ANKS1B: variants seen among roughly 807,000 people sequenced by gnomAD.
ANKS1B encodes ankyrin repeat and sterile alpha motif domain containing 1B.
ANKS1B carries 36 observed loss-of-function variants against 148.3 expected under a neutral mutation model. That is an observed-to-expected ratio of 0.24 (90% confidence interval 0.19 to 0.32). The LOEUF is 0.32. Among genes scored for constraint, ANKS1B ranks in the 10% least tolerant of loss-of-function variants. The probability of loss-of-function intolerance (pLI) is 1.00; values close to 1 mark genes in which losing one functional copy is unlikely to be tolerated. For missense variants in ANKS1B, 1,157 were observed against 1,542.6 expected (o/e 0.75, Z 4.19); for synonymous variants, 542 against 560.8 (o/e 0.97, Z 0.47).
chr12:99,387,519 G>A (rs946455119), intron 12 of ANKS1B, among the ~76,000 whole-genome samples: 1 of 152,128 alleles, frequency 6.6e-6, no homozygotes, highest in African/African-American at 2.4e-5. Flanking sequence ...GGGAGGCTGA[G>A]GCAGGGTTGT....
intron 9 of ANKS1B, among the ~76,000 whole-genome samples, chr12:99,602,789 G>T (rs1360017167): frequency 3.9e-5 from 6 of 152,026 alleles, no homozygotes; most frequent in African/African-American, 1.4e-4. Flanking sequence ...ATTTTGGAGA[G>T]TTGTGGCCAG....
intron 8 of ANKS1B, among the ~76,000 whole-genome samples, chr12:99,767,363 T>G (rs117355308): frequency 1.3e-5 from 2 of 152,118 alleles, no homozygotes; most frequent in East Asian, 3.9e-4. Context: ...ATTTACTTCT[T>G]AAAGACATAC....
chr12:99,465,242 TGAGA>T (rs1251819180), intron 10 of ANKS1B, among the ~76,000 whole-genome samples: 10 of 152,140 alleles, frequency 6.6e-5, no homozygotes, highest in Non-Finnish European at 1.2e-4. Flanking sequence ...AAGCAAATGC[TGAGA>T]GATTTTGTCA....
chr12:99,404,402 C>T (rs951174259), intron 11 of ANKS1B, among the ~76,000 whole-genome samples: 4 of 145,676 alleles, frequency 2.7e-5, no homozygotes, highest in Non-Finnish European at 4.5e-5. Context: ...CAAGATAACG[C>T]AGATGAGGTA....
At chr12:98,907,650 T>A (rs986358939) in intron 17 of ANKS1B, among the ~76,000 whole-genome samples, 1 of 152,192 alleles carries the variant, frequency 6.6e-6, no homozygotes, top group Non-Finnish European at 1.5e-5. Flanking sequence ...TTGTCCCTAA[T>A]TGCAACATCA....
intron 17 of ANKS1B, among the ~76,000 whole-genome samples, chr12:99,024,838 T>G (rs1314526047): frequency 6.6e-6 from 1 of 152,186 alleles, no homozygotes; most frequent in African/African-American, 2.4e-5. Flanking sequence ...TGCTTGTGTC[T>G]TAATCATCCC....
chr12:99,210,968 G>C (rs893693286), intron 14 of ANKS1B, among the ~76,000 whole-genome samples: 1 of 152,032 alleles, frequency 6.6e-6, no homozygotes, highest in African/African-American at 2.4e-5. Flanking sequence ...CTATTCAGTC[G>C]GTGTATAACA....
chr12:99,687,395 A>T (rs1010791986), intron 8 of ANKS1B, among the ~76,000 whole-genome samples: 21 of 152,108 alleles, frequency 1.4e-4, no homozygotes, highest in Non-Finnish European at 1.0e-4. Flanking sequence ...AATGTTGAAA[A>T]TTTTCAAACA....
rs576336446 is a variant in ANKS1B at position 99,280,892 on chromosome 12, C to T, written c.1757-34028G>A. Among the ~76,000 whole-genome samples, 5 of 151,890 alleles carry T rather than the reference C, an allele frequency of 3.3e-5. No individual in the cohort carries two copies. The South Asian group carries it at 1.0e-3, about 32-fold the overall frequency. On this transcript the variant is annotated intron_variant, in intron 12 of 26. Coordinates refer to ENST00000683438, the MANE Select transcript of ANKS1B (RefSeq NM_001352186.2). ...TCTGTCTCTCTCTCTCTCTCACACA[C>T]ACACACATGCACGTACACACACACA...
intron 12 of ANKS1B, among the ~76,000 whole-genome samples, chr12:99,264,587 A>G (rs933651003): frequency 2.6e-5 from 4 of 152,116 alleles, no homozygotes; most frequent in Non-Finnish European, 5.9e-5. Context: ...GCATTTTGGA[A>G]AATGCTCTTT....
chr12:99,489,937 A>T lies in ANKS1B; in HGVS notation c.1438+14539T>A, dbSNP rs2152962979. 1.3e-5 allele frequency among the ~76,000 whole-genome samples: 2 copies of T among 152,364 alleles called. 1 individual carries two copies. The highest frequency in any genetic ancestry group is 6.8e-3 in the Middle Eastern group (2 of 294). ...AGTTTTTCTCTGGATTCTGCATATA[A>T]ATAGAATAGGTTCTCCCACAGAGAA... On this transcript the variant is annotated intron_variant, in intron 10 of 26. Coordinates refer to ENST00000683438, the MANE Select transcript of ANKS1B (RefSeq NM_001352186.2).
intron 17 of ANKS1B, among the ~76,000 whole-genome samples, chr12:98,963,515 T>C (rs2099875330): frequency 6.6e-6 from 1 of 152,170 alleles, no homozygotes; most frequent in Middle Eastern, 3.2e-3. Context: ...ACAAAATTTT[T>C]GTCAGTTGAC....
chr12:99,682,235 T>G (rs759291560), intron 8 of ANKS1B, among the ~76,000 whole-genome samples: 1 of 152,296 alleles, frequency 6.6e-6, no homozygotes. Context: ...ACAATGAACT[T>G]AAACTATATC....
At chr12:99,266,359 A>G (rs112967567) in intron 12 of ANKS1B, among the ~76,000 whole-genome samples, 11 of 152,258 alleles carry the variant, frequency 7.2e-5, no homozygotes, top group African/African-American at 2.4e-4. Flanking sequence ...TTGGATCTTT[A>G]TTACGGACCA....
chr12:99,138,690 G>A (rs2068973264), intron 15 of ANKS1B, among the ~76,000 whole-genome samples: 1 of 152,124 alleles, frequency 6.6e-6, no homozygotes, highest in Non-Finnish European at 1.5e-5. Context: ...GACCCCTAGG[G>A]TTGTCAATAG....
intron 15 of ANKS1B, among the ~76,000 whole-genome samples, chr12:99,111,197 C>A (rs983829119): frequency 3.9e-5 from 6 of 152,178 alleles, no homozygotes; most frequent in African/African-American, 1.2e-4. Flanking sequence ...GCTCCTTCTG[C>A]CTCCACGAAA....
intron 1 of ANKS1B, among the ~76,000 whole-genome samples, chr12:99,925,548 T>C (rs1046124481): frequency 6.6e-6 from 1 of 152,156 alleles, no homozygotes; most frequent in Admixed American, 6.5e-5. Context: ...GTTCTGGGTG[T>C]GATAGTTATC....
chr12:99,242,057 G>A (rs544101595), intron 14 of ANKS1B, among the ~76,000 whole-genome samples: 9 of 152,206 alleles, frequency 5.9e-5, no homozygotes, highest in African/African-American at 2.2e-4. Flanking sequence ...AGAGCAATCA[G>A]GCAAGAGAAT....
intron 17 of ANKS1B, among the ~76,000 whole-genome samples, chr12:98,951,942 T>C (rs968956140): frequency 2.0e-5 from 3 of 152,230 alleles, no homozygotes; most frequent in African/African-American, 4.8e-5. Flanking sequence ...ATCTGGTCAA[T>C]TGCCTGTCAC....
Sources: allele counts gnomAD v4.1 joint callset (sites outside exome capture counted in the v4.1 genomes callset), GRCh38; gene constraint gnomAD v4.1.1; transcripts MANE v1.5; gene names NCBI Gene and HGNC (gene_info 2026-07-23, HGNC 2026-07-21).